Variants in GABBR2 observed in about 807,000 individuals in gnomAD.
GABBR2 encodes gamma-aminobutyric acid type B receptor subunit 2, also known as G-protein coupled receptor 51.
A neutral mutation model predicts 105.6 loss-of-function variants in GABBR2; 23 were observed. The ratio of observed to expected loss-of-function variants is 0.22; its 90% CI spans 0.16 to 0.31. GABBR2 has a LOEUF of 0.31. Among genes scored for constraint, GABBR2 ranks in the 10% least tolerant of loss-of-function variants. The pLI, the probability that GABBR2 is intolerant of heterozygous loss-of-function variation, is 1.00. For missense variants in GABBR2, 734 were observed against 1,245.5 expected (o/e 0.59, Z 6.18); for synonymous variants, 478 against 499.7 (o/e 0.96, Z 0.58).
chr9:98,306,371 A>AGAT lies in GABBR2; in HGVS notation c.2005-29_2005-27dup. On this transcript the variant is annotated intron_variant, in intron 14 of 18. Coordinates refer to ENST00000259455, the MANE Select transcript of GABBR2 (RefSeq NM_005458.8). This position sits in a 1 kb window ranked among gnomAD's most constrained non-coding sequence, Gnocchi z 5.4. The stretch of plus-strand genomic sequence containing the variant: ...CTGAAATGGTGAACAGAAAGGGGAG[A>AGAT]GATGATCGTTACCAAGGGGTGGCAC... The AGAT allele has an allele frequency of 6.6e-7, 1 of 1,519,940 alleles. No individual in the cohort carries two copies. The highest frequency in any genetic ancestry group is 9.1e-7 in the Non-Finnish European group (1 of 1,103,286). 94.2% of individuals were successfully genotyped at this position (1,519,940 alleles called of 1,614,324 possible). A position where few individuals can be genotyped will look rare whatever the true frequency, so the allele number is the denominator to read the frequency against.
intron 12 of GABBR2, among the ~76,000 whole-genome samples, chr9:98,363,520 G>A (rs943877714): frequency 6.6e-6 from 1 of 152,140 alleles, no homozygotes; most frequent in Non-Finnish European, 1.5e-5. Flanking sequence ...ACCGAGATCT[G>A]TTTTCTCCAG....
rs139785524 is a variant in GABBR2, at chr9:98,595,733, G to A, written c.322-17661C>T. ...TAATGATATACAAAAGCACAAAATG[G>A]CCCCATATCTAGAGGGCCAATTCCT... On this transcript the variant is annotated intron_variant, in intron 1 of 18. Coordinates refer to ENST00000259455, the MANE Select transcript of GABBR2 (RefSeq NM_005458.8). Among the ~76,000 whole-genome samples the A allele has an allele frequency of 9.2e-5, 14 of 151,976 alleles. No homozygotes were observed. In the East Asian group the frequency reaches 2.7e-3, roughly 30 times the overall value.
At chr9:98,325,283 CTTTTTTTTTTT>C (rs886288539) in intron 13 of GABBR2, among the ~76,000 whole-genome samples, 86 of 67,618 alleles carry the variant, frequency 1.3e-3, no homozygotes, top group Admixed American at 2.3e-3. Flanking sequence ...GACAGCAATT[CTTTTTTTTTTT>C]TTTTTTTTTT....
chr9:98,440,222 C>T (rs1211915879), intron 7 of GABBR2, among the ~76,000 whole-genome samples: 1 of 144,290 alleles, frequency 6.9e-6, no homozygotes. Context: ...TTGTTCTGTC[C>T]CCTTCACTTC....
intron 13 of GABBR2, among the ~76,000 whole-genome samples, chr9:98,325,266 G>C (rs1247003766): frequency 6.7e-6 from 1 of 148,510 alleles, no homozygotes; most frequent in Non-Finnish European, 1.5e-5. Flanking sequence ...TCTTCCCTTG[G>C]CTCTAGGACA....
intron 3 of GABBR2, among the ~76,000 whole-genome samples, chr9:98,538,197 ATT>A (rs1421068336): frequency 6.6e-6 from 1 of 152,240 alleles, no homozygotes; most frequent in Non-Finnish European, 1.5e-5. Context: ...AAATAGCCCC[ATT>A]TTACACAAGG....
intron 1 of GABBR2, among the ~76,000 whole-genome samples, chr9:98,665,302 C>A (rs10987292): frequency 0.81 from 123,357 of 151,528 alleles, 50,304 homozygotes; most frequent in Middle Eastern, 0.91. Flanking sequence ...CTCTCTCTCT[C>A]GCTTGCTCAA....
At chr9:98,567,331 G>A (rs1828766825) in intron 2 of GABBR2, among the ~76,000 whole-genome samples, 1 of 152,178 alleles carries the variant, frequency 6.6e-6, no homozygotes, top group Admixed American at 6.5e-5. Flanking sequence ...GTCCTTGCAG[G>A]AATAGATTGG....
At chr9:98,444,839 A>G (rs754282593) in intron 7 of GABBR2, among the ~76,000 whole-genome samples, 5 of 151,338 alleles carry the variant, frequency 3.3e-5, no homozygotes, top group African/African-American at 7.3e-5. Flanking sequence ...CCTCCAACGC[A>G]TGCGTGCACG....
At chr9:98,611,258 C>T (rs1829501647) in intron 1 of GABBR2, among the ~76,000 whole-genome samples, 1 of 152,202 alleles carries the variant, frequency 6.6e-6, no homozygotes, top group African/African-American at 2.4e-5. Flanking sequence ...CTGCCATTTC[C>T]ACTGCCTACC....
chr9:98,508,663 T>C (rs924260090), intron 3 of GABBR2, among the ~76,000 whole-genome samples: 1 of 151,966 alleles, frequency 6.6e-6, no homozygotes, highest in African/African-American at 2.4e-5. Flanking sequence ...GTCTCGCTCA[T>C]TGCTAGCACA....
At chr9:98,702,453 G>C (rs1054385259) in intron 1 of GABBR2, among the ~76,000 whole-genome samples, 5 of 152,038 alleles carry the variant, frequency 3.3e-5, no homozygotes, top group South Asian at 2.1e-4. Flanking sequence ...GGCTCATTCT[G>C]TCTCCAGTCC....
At chr9:98,561,761 A>G (rs952068086) in intron 2 of GABBR2, among the ~76,000 whole-genome samples, 1 of 152,152 alleles carries the variant, frequency 6.6e-6, no homozygotes, top group African/African-American at 2.4e-5. Flanking sequence ...GCATGTGCCT[A>G]TAATCCCAGC....
At position 98,577,760 on chromosome 9, in the gene GABBR2, T is replaced by C. The variant is rs80235359; in HGVS notation, c.459+175A>G. ...AGGGCTGCCCTTTAGAGACCTACTGTGGGGGCCATGCCAAGTCAGGCCAGC... is the reference window on the plus strand; with the variant it reads ...AGGGCTGCCCTTTAGAGACCTACTGCGGGGGCCATGCCAAGTCAGGCCAGC... On this transcript the variant is annotated intron_variant, in intron 2 of 18. Coordinates refer to ENST00000259455, the MANE Select transcript of GABBR2 (RefSeq NM_005458.8). Among the ~76,000 whole-genome samples the C allele has an allele frequency of 0.013, 1,923 of 152,252 alleles. 42 individuals carry two copies. Among genetic ancestry groups the C allele is most frequent in the African/African-American group, 0.044 (1,834 of 41,532 alleles).
At chr9:98,604,262 T>C (rs903149642) in intron 1 of GABBR2, among the ~76,000 whole-genome samples, 2 of 152,216 alleles carry the variant, frequency 1.3e-5, no homozygotes, top group Non-Finnish European at 2.9e-5. Flanking sequence ...GCTTTGCTTA[T>C]TCCCCCACCC....
intron 3 of GABBR2, among the ~76,000 whole-genome samples, chr9:98,513,920 G>T (rs893118007): frequency 5.3e-5 from 8 of 152,146 alleles, no homozygotes; most frequent in Admixed American, 5.2e-4. Context: ...TATACCCACA[G>T]GACTATAAAT....
chr9:98,403,910 C>T (rs929988723), intron 8 of GABBR2, among the ~76,000 whole-genome samples: 14 of 152,064 alleles, frequency 9.2e-5, no homozygotes, highest in African/African-American at 2.6e-4. Flanking sequence ...GAGGCGAAGT[C>T]GCTTGCCTGA....
chr9:98,487,856 A>T (rs916524866), intron 4 of GABBR2, among the ~76,000 whole-genome samples: 1 of 152,220 alleles, frequency 6.6e-6, no homozygotes. Context: ...GGTAAAGGGA[A>T]AATTCACATT....
chr9:98,318,628 C>T (rs1830762196), intron 13 of GABBR2, among the ~76,000 whole-genome samples: 1 of 152,170 alleles, frequency 6.6e-6, no homozygotes. Flanking sequence ...GCGCGGGTCA[C>T]TCGGACCTTT....
Sources: allele counts gnomAD v4.1 joint callset (sites outside exome capture counted in the v4.1 genomes callset), GRCh38; gene constraint gnomAD v4.1.1; non-coding constraint Gnocchi (gnomAD v3.1); transcripts MANE v1.5; gene names NCBI Gene and HGNC (gene_info 2026-07-23, HGNC 2026-07-21).